The following ATG7 variants were observed in gnomAD, a reference collection of about 807,000 sequenced individuals.
ATG7 encodes ubiquitin-like modifier-activating enzyme ATG7.
Under a neutral mutation model 82.4 loss-of-function variants are expected in ATG7, and 70 were observed. The ratio of observed to expected loss-of-function variants is 0.85; its 90% CI spans 0.70 to 1.04. ATG7 has a LOEUF of 1.04. Ranked by LOEUF, ATG7 falls within the 50% of genes least tolerant of loss-of-function variation. ATG7 has a pLI of 0.00. For missense variants in ATG7, 792 were observed against 864.3 expected, an observed-to-expected ratio of 0.92 and a Z score of 1.05; for synonymous variants, 287 against 313.0, an observed-to-expected ratio of 0.92 and a Z score of 0.88.
chr3:11,527,530 C>A (rs1420866657), intron 20 of ATG7, among the ~76,000 whole-genome samples: 1 of 152,136 alleles, frequency 6.6e-6, no homozygotes, highest in Non-Finnish European at 1.5e-5. Context: ...TCATCAGTGG[C>A]ACTGAACTAT....
At chr3:11,558,453 T>A, downstream of ATG7, 313 of 983,996 alleles carry the variant, frequency 3.2e-4, no homozygotes, top group East Asian at 6.2e-4. Context: ...ATCCCTTCCC[T>A]TCCCCCCACC....
At chr3:11,437,893 G>T (rs547287400) in intron 20 of ATG7, among the ~76,000 whole-genome samples, 13 of 152,166 alleles carry the variant, frequency 8.5e-5, no homozygotes, top group African/African-American at 3.1e-4. Flanking sequence ...GAACAACAAA[G>T]AATAATTCCA....
At chr3:11,460,808 G>A (rs1459206715) in intron 20 of ATG7, among the ~76,000 whole-genome samples, 3 of 152,208 alleles carry the variant, frequency 2.0e-5, no homozygotes, top group African/African-American at 7.2e-5. Context: ...AAGAGTCACT[G>A]TCTATGCCTG....
At chr3:11,494,185 C>T (rs938322898) in intron 20 of ATG7, among the ~76,000 whole-genome samples, 2 of 152,142 alleles carry the variant, frequency 1.3e-5, no homozygotes, top group Non-Finnish European at 2.9e-5. Context: ...AATCCATCTC[C>T]CTGACTAAAA....
intron 9 of ATG7, among the ~76,000 whole-genome samples, chr3:11,330,093 A>G (rs527251971): frequency 1.7e-4 from 26 of 152,316 alleles, no homozygotes; most frequent in East Asian, 3.9e-4. Context: ...AAAAAATACC[A>G]CTGAGTGAAG....
chr3:11,484,383 T>A (rs997994777), intron 20 of ATG7, among the ~76,000 whole-genome samples: 1 of 151,906 alleles, frequency 6.6e-6, no homozygotes, highest in Non-Finnish European at 1.5e-5. Context: ...GACAGGAGAC[T>A]CCGTCTCAAA....
chr3:11,434,029 G>GA (rs1559615626), intron 20 of ATG7, among the ~76,000 whole-genome samples: 1 of 152,138 alleles, frequency 6.6e-6, no homozygotes, highest in Non-Finnish European at 1.5e-5. Context: ...AAAGTCATAT[G>GA]AAAAACATTA....
At chr3:11,448,982 A>C (rs73137574) in intron 20 of ATG7, among the ~76,000 whole-genome samples, 2,402 of 152,336 alleles carry the variant, frequency 0.016, 72 homozygotes, top group African/African-American at 0.055. Context: ...TAAAAATGTC[A>C]CACAAAGTCT....
intron 20 of ATG7, among the ~76,000 whole-genome samples, chr3:11,524,925 TA>T (rs1203158191): frequency 6.6e-6 from 1 of 152,226 alleles, no homozygotes; most frequent in Non-Finnish European, 1.5e-5. Flanking sequence ...AGCAGATGTT[TA>T]AAATAACACA....
chr3:11,390,581 GTTC>G (rs2078717499), intron 19 of ATG7, among the ~76,000 whole-genome samples: 4 of 152,068 alleles, frequency 2.6e-5, no homozygotes, highest in Non-Finnish European at 4.4e-5. Context: ...AGTTTGATCT[GTTC>G]TTCTTGGGAA....
chr3:11,492,471 G>C (rs2090452191), intron 20 of ATG7, among the ~76,000 whole-genome samples: 1 of 152,212 alleles, frequency 6.6e-6, no homozygotes, highest in African/African-American at 2.4e-5. Context: ...TTCCTATTCA[G>C]CCATCTTGGC....
At chr3:11,328,907 C>T (rs778128879) in intron 9 of ATG7, among the ~76,000 whole-genome samples, 5 of 152,106 alleles carry the variant, frequency 3.3e-5, no homozygotes, top group African/African-American at 9.7e-5. Flanking sequence ...GCCAACATGG[C>T]GTAACCCCGT....
intron 6 of ATG7, chr3:11,308,422 A>G (rs1248753258): frequency 6.6e-6 from 1 of 152,460 alleles, no homozygotes; most frequent in Non-Finnish European, 1.5e-5. Flanking sequence ...ACTTCAAGAA[A>G]CCCCTATGTG....
chr3:11,360,881 T>C lies in ATG7; in HGVS notation c.1683+97T>C, dbSNP rs2076238998. 5.4e-6 allele frequency: 7 copies of C among 1,298,444 alleles called. No individual in the cohort carries two copies. In the South Asian group the frequency reaches 9.7e-5, roughly 18 times the overall value. 80.4% of individuals were successfully genotyped at this position (1,298,444 alleles called of 1,614,324 possible). ...CCTTTCATTTATGACTATTTAAATA[T>C]TATCTTTTAACAAAGAGAAGAATTC... On this transcript the variant is annotated intron_variant, in intron 16 of 20. Transcript: ENST00000693202.
intron 19 of ATG7, among the ~76,000 whole-genome samples, chr3:11,388,461 C>T (rs1162975327): frequency 2.7e-5 from 4 of 149,204 alleles, no homozygotes; most frequent in Non-Finnish European, 5.9e-5. Flanking sequence ...AGGAGTCTTG[C>T]TCTGTTGCTC....
At chr3:11,449,290 T>A (rs894349083) in intron 20 of ATG7, among the ~76,000 whole-genome samples, 1 of 152,034 alleles carries the variant, frequency 6.6e-6, no homozygotes, top group African/African-American at 2.4e-5. Context: ...GAGGATTGCT[T>A]GAGTCCAGAA....
chr3:11,388,805 G>T (rs1368347236), intron 19 of ATG7, among the ~76,000 whole-genome samples: 2 of 152,062 alleles, frequency 1.3e-5, no homozygotes, highest in African/African-American at 2.4e-5. Flanking sequence ...TTGTAAGATA[G>T]GGAGGGAGGA....
intron 18 of ATG7, among the ~76,000 whole-genome samples, chr3:11,377,232 G>A (rs910533414): frequency 6.6e-6 from 1 of 152,116 alleles, no homozygotes; most frequent in African/African-American, 2.4e-5. Flanking sequence ...ATCTAAAACT[G>A]GAATTATTTT....
At chr3:11,376,255 G>A (rs2077408161) in intron 18 of ATG7, among the ~76,000 whole-genome samples, 1 of 152,174 alleles carries the variant, frequency 6.6e-6, no homozygotes, top group South Asian at 2.1e-4. Context: ...ATTAGATAGT[G>A]ATGATGGTTG....
Sources: gnomAD v4.1 joint callset for allele counts (sites outside exome capture counted in the v4.1 genomes callset) on GRCh38, gnomAD v4.1.1 for gene constraint, MANE v1.5 for transcripts, NCBI Gene and HGNC (gene_info 2026-07-23, HGNC 2026-07-21) for gene names.